The following ASXL3 variants were observed in gnomAD, a reference collection of about 807,000 sequenced individuals.
ASXL3 encodes putative Polycomb group protein ASXL3.
A neutral mutation model predicts 170.6 loss-of-function variants in ASXL3; 34 were observed. The observed-to-expected ratio is 0.20, with a 90% CI of 0.15 to 0.27. ASXL3 has a LOEUF of 0.27. ASXL3 is among the 10% of genes least tolerant of loss of function. The pLI is 1.00. For missense variants in ASXL3, 2,592 were observed against 2,695.3 expected, an observed-to-expected ratio of 0.96 and a Z score of 0.85; for synonymous variants, 1,002 against 989.1, an observed-to-expected ratio of 1.01 and a Z score of -0.24.
chr18:33,665,846 C>T (rs1312451587), intron 5 of ASXL3, among the ~76,000 whole-genome samples: 1 of 152,062 alleles, frequency 6.6e-6, no homozygotes, highest in Non-Finnish European at 1.5e-5. Flanking sequence ...TCTTTCCTTG[C>T]ACTTAGAGCC....
intron 8 of ASXL3, among the ~76,000 whole-genome samples, chr18:33,698,769 A>G (rs1164475896): frequency 6.6e-6 from 1 of 152,142 alleles, no homozygotes; most frequent in African/African-American, 2.4e-5. Flanking sequence ...TAGAAAGTGA[A>G]TATTTAGGAA....
chr18:33,666,334 T>C (rs947623035), intron 5 of ASXL3, among the ~76,000 whole-genome samples: 3 of 152,152 alleles, frequency 2.0e-5, no homozygotes, highest in Non-Finnish European at 2.9e-5. Flanking sequence ...GTAATATCTG[T>C]CAAAATAAAT....
chr18:33,654,726 A>G (rs1267754663), intron 4 of ASXL3, among the ~76,000 whole-genome samples: 2 of 151,806 alleles, frequency 1.3e-5, no homozygotes, highest in African/African-American at 2.4e-5. Flanking sequence ...TTTTTCCCAC[A>G]CAAACAGCAT....
At chr18:33,640,726 GA>G (rs1357064218) in intron 2 of ASXL3, among the ~76,000 whole-genome samples, 1 of 151,984 alleles carries the variant, frequency 6.6e-6, no homozygotes, top group Non-Finnish European at 1.5e-5. Context: ...GCTAACATTT[GA>G]GATGCTTGAA....
At chr18:33,724,191 TAG>T (rs1208412018) in intron 8 of ASXL3, among the ~76,000 whole-genome samples, 1 of 150,278 alleles carries the variant, frequency 6.7e-6, no homozygotes, top group Non-Finnish European at 1.5e-5. Context: ...TATGACTAGA[TAG>T]AGTCTTGATT....
At chr18:33,703,729 G>C (rs1406449286) in intron 8 of ASXL3, among the ~76,000 whole-genome samples, 2 of 151,720 alleles carry the variant, frequency 1.3e-5, no homozygotes, top group Non-Finnish European at 2.9e-5. Context: ...TCCCTCACAT[G>C]AATCTATTGG....
intron 4 of ASXL3, among the ~76,000 whole-genome samples, chr18:33,661,342 A>AT (rs1294189333): frequency 2.0e-5 from 3 of 152,108 alleles, no homozygotes; most frequent in Non-Finnish European, 2.9e-5. Flanking sequence ...GATATTGTCT[A>AT]TTTTTTATGT....
At chr18:33,621,575 G>A (rs1177909596) in intron 2 of ASXL3, among the ~76,000 whole-genome samples, 1 of 152,048 alleles carries the variant, frequency 6.6e-6, no homozygotes, top group East Asian at 1.9e-4. Context: ...GGTCTCATTG[G>A]CTTCTTGTTG....
chr18:33,737,696 TC>T, intron 10 of ASXL3, among the ~76,000 whole-genome samples: 1 of 152,266 alleles, frequency 6.6e-6, no homozygotes, highest in East Asian at 1.9e-4. Flanking sequence ...CCAAATATGT[TC>T]TGTTATTCTT....
At position 33,740,057 on chromosome 18, in the gene ASXL3, G is replaced by A; in HGVS notation, c.2653G>A (p.Val885Ile). ...KVLPSPLELS[V>I]FSEGTDNKGN... Reference sequence around the variant, plus strand: ...GTTACCTTCACCATTGGAATTATCTGTCTTTTCTGAAGGGACAGATAATAA... The same window carrying A: ...GTTACCTTCACCATTGGAATTATCTATCTTTTCTGAAGGGACAGATAATAA... The change falls in exon 11 of 12, where the codon GTC (valine) becomes ATC (isoleucine). Residue 885 changes from valine (V) to isoleucine (I), a missense_variant. By Grantham distance (29) the Val-to-Ile change is conservative (BLOSUM62 3). Coordinates refer to ENST00000269197, the MANE Select transcript of ASXL3 (RefSeq NM_030632.3). 6.2e-7 allele frequency: 1 copy of A among 1,613,906 alleles called. No homozygotes were observed. The highest frequency in any genetic ancestry group is 1.7e-5 in the Admixed American group (1 of 60,010).
At chr18:33,584,936 G>A (rs1443083140) in intron 1 of ASXL3, among the ~76,000 whole-genome samples, 1 of 150,566 alleles carries the variant, frequency 6.6e-6, no homozygotes, top group Non-Finnish European at 1.5e-5. Context: ...TTTTTTCTAT[G>A]TAACTTGTCA....
intron 8 of ASXL3, among the ~76,000 whole-genome samples, chr18:33,724,870 T>C (rs1453961242): frequency 6.6e-6 from 1 of 152,160 alleles, no homozygotes; most frequent in Non-Finnish European, 1.5e-5. Context: ...GTCTTTGGCA[T>C]ATTGCTGATC....
chr18:33,689,285 C>T (rs1044576651), intron 8 of ASXL3, among the ~76,000 whole-genome samples: 11 of 152,176 alleles, frequency 7.2e-5, no homozygotes, highest in Non-Finnish European at 1.0e-4. Flanking sequence ...TTAGCCACCG[C>T]GCTCAGCCAA....
chr18:33,731,827 TCTC>T (rs2067452552), intron 8 of ASXL3, 138 bp from the exon 9 acceptor site: 1 of 603,844 alleles, frequency 1.7e-6, no homozygotes, highest in East Asian at 2.8e-5. Context: ...CTCTCTCCCT[TCTC>T]CTTTCTCTGT....
At position 33,601,785 on chromosome 18, in the gene ASXL3, G is replaced by GTATATATATATATATATATA. The variant is rs1555717840; in HGVS notation, c.55-5799_55-5798insTATATATATATATATATATA. Among the ~76,000 whole-genome samples, 111 of 103,928 alleles carry GTATATATATATATATATATA rather than the reference G, an allele frequency of 1.1e-3. 17 individuals are homozygous for GTATATATATATATATATATA. The highest frequency in any genetic ancestry group is 2.4e-3 in the African/African-American group (69 of 28,856). 68.2% of individuals were successfully genotyped at this position (103,928 alleles called of 152,430 possible). A position where few individuals can be genotyped will look rare whatever the true frequency, so the allele number is the denominator to read the frequency against. The stretch of plus-strand genomic sequence containing the variant: ...TGAGAATTTAAGTAAATATCTGATT[G>GTATATATATATATATATATA]TATATATATAGTTTGTTTGTTTTGA... On this transcript the variant is annotated intron_variant, in intron 1 of 11. Coordinates refer to ENST00000269197, the MANE Select transcript of ASXL3 (RefSeq NM_030632.3).
At chr18:33,607,740 G>A (rs762790172) in intron 2 of ASXL3, 64 bp downstream of exon 2, 71 of 1,226,612 alleles carry the variant, frequency 5.8e-5, no homozygotes, top group Admixed American at 1.1e-4. Context: ...TCGTTGCTAA[G>A]CGATAGGTGT....
intron 1 of ASXL3, among the ~76,000 whole-genome samples, chr18:33,584,305 G>A (rs560766236): frequency 6.6e-5 from 10 of 151,956 alleles, no homozygotes; most frequent in Admixed American, 4.6e-4. Context: ...ATGTAATTGC[G>A]ATCAGATTGG....
intron 1 of ASXL3, among the ~76,000 whole-genome samples, chr18:33,597,052 C>T (rs967476490): frequency 7.9e-5 from 12 of 152,090 alleles, no homozygotes; most frequent in Non-Finnish European, 1.3e-4. Context: ...TGAGCTCGAG[C>T]GATCTGCCCG....
intron 1 of ASXL3, among the ~76,000 whole-genome samples, chr18:33,588,081 A>G (rs1342643859): frequency 6.6e-6 from 1 of 151,978 alleles, no homozygotes; most frequent in African/African-American, 2.4e-5. Context: ...ATATATATAT[A>G]TTTGCTTTAA....
Sources: allele counts gnomAD v4.1 joint callset (sites outside exome capture counted in the v4.1 genomes callset), GRCh38; gene constraint gnomAD v4.1.1; transcripts MANE v1.5; gene names NCBI Gene and HGNC (gene_info 2026-07-23, HGNC 2026-07-21).